SLC3A2: variants seen among roughly 807,000 people sequenced by gnomAD.
The protein encoded by SLC3A2 is amino acid transporter heavy chain SLC3A2.
In SLC3A2, 32 loss-of-function variants were observed where a neutral mutation model predicts 48.5. The observed-to-expected ratio is 0.66, with a 90% CI of 0.50 to 0.89. SLC3A2 has a LOEUF of 0.89. Ranked by LOEUF, SLC3A2 falls within the 40% of genes least tolerant of loss-of-function variation. SLC3A2 has a pLI of 0.00. For missense variants in SLC3A2, 587 were observed against 680.7 expected (o/e 0.86, Z 1.53); for synonymous variants, 277 against 288.8 (o/e 0.96, Z 0.41).
intron 1 of SLC3A2, among the ~76,000 whole-genome samples, chr11:62,858,717 AG>A (rs2085365088): frequency 6.6e-6 from 1 of 152,140 alleles, no homozygotes; most frequent in African/African-American, 2.4e-5. Flanking sequence ...TTTCTCGAAG[AG>A]GGGGTTGTGT....
At chr11:62,857,334 A>C (rs2085344287) in intron 1 of SLC3A2, among the ~76,000 whole-genome samples, 1 of 151,738 alleles carries the variant, frequency 6.6e-6, no homozygotes, top group Non-Finnish European at 1.5e-5. Flanking sequence ...CATGTTGGCC[A>C]GGCTGCTCTC....
chr11:62,884,349 C>T (rs1337035230), intron 3 of SLC3A2, 108 bp from the exon 4 acceptor site: 3 of 1,255,000 alleles, frequency 2.4e-6, no homozygotes, highest in Non-Finnish European at 3.5e-6. Flanking sequence ...CAGGACTCTC[C>T]CCAGCTCCCG....
At chr11:62,866,182 A>G (rs1035384967) in intron 1 of SLC3A2, among the ~76,000 whole-genome samples, 6 of 150,098 alleles carry the variant, frequency 4.0e-5, no homozygotes, top group African/African-American at 1.2e-4. Flanking sequence ...CAATGGTACG[A>G]TCTTGGCTCA....
chr11:62,867,396 G>A (rs1390219907), intron 1 of SLC3A2, among the ~76,000 whole-genome samples: 1 of 140,412 alleles, frequency 7.1e-6, no homozygotes, highest in Non-Finnish European at 1.5e-5. Flanking sequence ...CCCGACCTTG[G>A]CTCACTGCAC....
At chr11:62,862,535 C>A (rs544729695) in intron 1 of SLC3A2, among the ~76,000 whole-genome samples, 25 of 151,786 alleles carry the variant, frequency 1.6e-4, no homozygotes, top group Admixed American at 1.6e-3. Flanking sequence ...CTCCCCCAAG[C>A]CTAAACTACC....
At chr11:62,887,915 C>T (rs957618903) in intron 7 of SLC3A2, 2 of 446,524 alleles carry the variant, frequency 4.5e-6, no homozygotes, top group South Asian at 2.7e-5. Flanking sequence ...TCCTCAGCCT[C>T]CCCAGTATCT....
intron 7 of SLC3A2, among the ~76,000 whole-genome samples, chr11:62,886,936 CTA>C (rs1364353635): frequency 6.6e-6 from 1 of 151,896 alleles, no homozygotes; most frequent in Non-Finnish European, 1.5e-5. Flanking sequence ...TGTGGTCTCA[CTA>C]TGTTGCCCAG....
intron 1 of SLC3A2, among the ~76,000 whole-genome samples, chr11:62,863,956 G>A (rs910154072): frequency 1.3e-5 from 2 of 152,134 alleles, no homozygotes; most frequent in Non-Finnish European, 2.9e-5. Context: ...AGGATCTGCT[G>A]GATTGCATGG....
rs934645209 is a variant in SLC3A2 at position 62,888,837 on chromosome 11, TA to T, written c.*148del. 2.4e-5 allele frequency: 18 copies of T among 764,258 alleles called. No individual in the cohort carries two copies. Among genetic ancestry groups the T allele is most frequent in the Non-Finnish European group, 3.3e-5 (16 of 488,570 alleles). The allele number at this position is 764,258 out of a possible 1,614,324, so 47.3% of individuals were successfully genotyped here. A position where few individuals can be genotyped will look rare whatever the true frequency, so the allele number is the denominator to read the frequency against. ...AAATAGGGTGTTTTCTGCCTTCAAATAAAAGTCACCCCTGCATGGTGAAGTC... is the reference window on the plus strand; with the variant it reads ...AAATAGGGTGTTTTCTGCCTTCAAATAAAGTCACCCCTGCATGGTGAAGTC... On this transcript the variant is annotated 3_prime_UTR_variant, in exon 9 of 9. Coordinates refer to ENST00000338663, the MANE Select transcript of SLC3A2 (RefSeq NM_001013251.3).
At chr11:62,883,937 C>T in intron 3 of SLC3A2, 1 of 455,624 alleles carries the variant, frequency 2.2e-6, no homozygotes, top group South Asian at 1.6e-5. Flanking sequence ...GAATTTCAAT[C>T]TTTCATCCTT....
intron 1 of SLC3A2, chr11:62,870,724 TA>T (rs750969262): frequency 3.5e-4 from 55 of 159,046 alleles, no homozygotes; most frequent in South Asian, 1.1e-3. Context: ...TTATTATTAT[TA>T]TTTTTTTTTT....
At chr11:62,865,741 A>C (rs2085445918) in intron 1 of SLC3A2, among the ~76,000 whole-genome samples, 1 of 152,014 alleles carries the variant, frequency 6.6e-6, no homozygotes, top group Non-Finnish European at 1.5e-5. Flanking sequence ...TAAGGATGCC[A>C]TGCTCTATTG....
At chr11:62,857,345 G>A (rs893232545) in intron 1 of SLC3A2, among the ~76,000 whole-genome samples, 2 of 151,588 alleles carry the variant, frequency 1.3e-5, no homozygotes, top group African/African-American at 4.9e-5. Flanking sequence ...GGCTGCTCTC[G>A]AACTACTGAC....
At chr11:62,882,352 T>G in intron 2 of SLC3A2, 2 of 323,734 alleles carry the variant, frequency 6.2e-6, no homozygotes, top group Non-Finnish European at 5.7e-6. Flanking sequence ...TGTAAAACAG[T>G]AGGTTTTTTT....
At chr11:62,872,108 G>T (rs1361316507) in intron 1 of SLC3A2, among the ~76,000 whole-genome samples, 2 of 152,008 alleles carry the variant, frequency 1.3e-5, no homozygotes, top group African/African-American at 4.8e-5. Flanking sequence ...GTAGAGACGG[G>T]GTTTCACCAT....
chr11:62,884,159 G>A (rs2085677101), intron 3 of SLC3A2: 63 of 541,052 alleles, frequency 1.2e-4, no homozygotes, highest in South Asian at 1.2e-3. Flanking sequence ...TTATGTTTAT[G>A]GACATACCTT....
chr11:62,869,523 CAAAAAAAAA>C (rs57962693), intron 1 of SLC3A2, among the ~76,000 whole-genome samples: 4 of 53,872 alleles, frequency 7.4e-5, no homozygotes, highest in African/African-American at 1.8e-4. Flanking sequence ...GACTCCATCT[CAAAAAAAAA>C]AAAAAAAAAA....
upstream of SLC3A2, among the ~76,000 whole-genome samples, chr11:62,878,572 TCTC>T (rs2085593660): frequency 1.3e-5 from 2 of 150,472 alleles, no homozygotes; most frequent in South Asian, 4.2e-4. Context: ...TTCACGTCAT[TCTC>T]CTGCCTCAGC....
At chr11:62,866,120 CT>C (rs35988334) in intron 1 of SLC3A2, among the ~76,000 whole-genome samples, 13,275 of 142,252 alleles carry the variant, frequency 0.093, 688 homozygotes, top group African/African-American at 0.16. Flanking sequence ...TTTTCAGCCA[CT>C]TTTTTTTTTT....
Sources: allele counts gnomAD v4.1 joint callset (sites outside exome capture counted in the v4.1 genomes callset), GRCh38; gene constraint gnomAD v4.1.1; transcripts MANE v1.5; gene names NCBI Gene and HGNC (gene_info 2026-07-23, HGNC 2026-07-21).